Variants in KCNMA1 observed in about 807,000 individuals in gnomAD.
The protein encoded by KCNMA1 is Calcium-activated potassium channel subunit alpha-1.
KCNMA1 carries 29 observed loss-of-function variants against 140.0 expected under a neutral mutation model. The observed-to-expected ratio is 0.21, with a 90% CI of 0.15 to 0.28. The LOEUF is 0.28. Among genes scored for constraint, KCNMA1 ranks in the 10% least tolerant of loss-of-function variants. The pLI, the probability that KCNMA1 is intolerant of heterozygous loss-of-function variation, is 1.00. For missense variants in KCNMA1, 880 were observed against 1,602.2 expected, an observed-to-expected ratio of 0.55 and a Z score of 7.70; for synonymous variants, 612 against 611.9, an observed-to-expected ratio of 1.00 and a Z score of 0.00.
chr10:76,932,748 T>C (rs1410089342), intron 23 of KCNMA1, among the ~76,000 whole-genome samples: 1 of 152,188 alleles, frequency 6.6e-6, no homozygotes, highest in Non-Finnish European at 1.5e-5. Flanking sequence ...ACAGCCATGT[T>C]TGTGATTCAC....
intron 1 of KCNMA1, among the ~76,000 whole-genome samples, chr10:77,590,585 G>A (rs1490766010): frequency 1.3e-5 from 2 of 152,314 alleles, no homozygotes; most frequent in African/African-American, 4.8e-5. Context: ...ACACCTCCCC[G>A]CAAGCTGAGG....
At chr10:77,538,959 C>A (rs1196606509) in intron 1 of KCNMA1, among the ~76,000 whole-genome samples, 1 of 152,114 alleles carries the variant, frequency 6.6e-6, no homozygotes, top group Non-Finnish European at 1.5e-5. Context: ...GTACATAGGT[C>A]CCCCCTCCTG....
intron 11 of KCNMA1, among the ~76,000 whole-genome samples, chr10:77,085,022 C>G (rs760281322): frequency 4.6e-5 from 7 of 152,132 alleles, no homozygotes; most frequent in Non-Finnish European, 8.8e-5. Context: ...ATTAATTAAG[C>G]CTTTCAGTCT....
chr10:77,628,887 G>A (rs2092855571), intron 1 of KCNMA1, among the ~76,000 whole-genome samples: 1 of 152,194 alleles, frequency 6.6e-6, no homozygotes, highest in Non-Finnish European at 1.5e-5. Context: ...AAGAAAGGAT[G>A]GAGCAAGAGG....
chr10:76,995,686 A>G, intron 19 of KCNMA1: 1 of 470,792 alleles, frequency 2.1e-6, no homozygotes, highest in Non-Finnish European at 4.4e-6. Context: ...AGCTGTCAGG[A>G]TGAGTATCCT....
At chr10:77,563,906 C>T (rs2067240416) in intron 1 of KCNMA1, among the ~76,000 whole-genome samples, 1 of 152,230 alleles carries the variant, frequency 6.6e-6, no homozygotes, top group African/African-American at 2.4e-5. Flanking sequence ...TCGTCTCTTG[C>T]TCTGCAGACT....
chr10:77,508,120 TA>T (rs1329733921), intron 1 of KCNMA1, among the ~76,000 whole-genome samples: 1 of 152,188 alleles, frequency 6.6e-6, no homozygotes, highest in Non-Finnish European at 1.5e-5. Context: ...AAGAGTGACA[TA>T]AAACATTCAA....
At chr10:77,504,437 T>C (rs2154546056) in intron 1 of KCNMA1, among the ~76,000 whole-genome samples, 1 of 152,214 alleles carries the variant, frequency 6.6e-6, no homozygotes, top group South Asian at 2.1e-4. Flanking sequence ...GGTGCCAGAC[T>C]AGCCCAGATC....
At chr10:77,165,738 A>G (rs936543046) in intron 5 of KCNMA1, among the ~76,000 whole-genome samples, 5 of 152,178 alleles carry the variant, frequency 3.3e-5, no homozygotes, top group Admixed American at 3.3e-4. Context: ...TTAGCTATTC[A>G]CTTGACATTT....
At chr10:76,935,575 A>C (rs2060342709) in intron 23 of KCNMA1, among the ~76,000 whole-genome samples, 1 of 152,220 alleles carries the variant, frequency 6.6e-6, no homozygotes, top group Non-Finnish European at 1.5e-5. Context: ...GAGATTAAAT[A>C]AGATATTACA....
intron 2 of KCNMA1, among the ~76,000 whole-genome samples, chr10:77,370,662 T>C (rs1160171145): frequency 6.6e-6 from 1 of 152,218 alleles, no homozygotes; most frequent in African/African-American, 2.4e-5. Flanking sequence ...GTTTCCCCTC[T>C]TGCTCCTCTG....
intron 1 of KCNMA1, among the ~76,000 whole-genome samples, chr10:77,618,614 T>C (rs891274823): frequency 1.3e-5 from 2 of 152,140 alleles, no homozygotes; most frequent in African/African-American, 2.4e-5. Context: ...GGAAAGAGCA[T>C]GGTCTCAAAG....
intron 9 of KCNMA1, among the ~76,000 whole-genome samples, chr10:77,103,839 G>C (rs969930429): frequency 1.3e-5 from 2 of 152,194 alleles, no homozygotes; most frequent in African/African-American, 4.8e-5. Context: ...GGGCAGGAGG[G>C]GAGAGGAGAC....
chr10:77,203,407 C>T (rs1307929471), intron 3 of KCNMA1, among the ~76,000 whole-genome samples: 1 of 152,180 alleles, frequency 6.6e-6, no homozygotes, highest in Non-Finnish European at 1.5e-5. Context: ...ACACTCAACT[C>T]AGTGGCTGCC....
chr10:77,220,210 G>A (rs950555335), intron 3 of KCNMA1, among the ~76,000 whole-genome samples: 3 of 152,184 alleles, frequency 2.0e-5, no homozygotes, highest in Non-Finnish European at 4.4e-5. Context: ...CACTTAGCTG[G>A]TGAGTAATTA....
At chr10:77,625,747 C>A (rs1483349721) in intron 1 of KCNMA1, among the ~76,000 whole-genome samples, 1 of 152,224 alleles carries the variant, frequency 6.6e-6, no homozygotes, top group East Asian at 1.9e-4. Flanking sequence ...ATCTATTCAT[C>A]TGTGAATGAA....
intron 13 of KCNMA1, 71 bp downstream of exon 13, chr10:77,079,410 G>A (rs1344739804): frequency 3.1e-5 from 26 of 833,048 alleles, no homozygotes; most frequent in Non-Finnish European, 5.5e-5. Context: ...GTGTGAGCCT[G>A]TATAATGAGG....
intron 2 of KCNMA1, among the ~76,000 whole-genome samples, chr10:77,385,374 T>C (rs968007441): frequency 6.6e-6 from 1 of 152,250 alleles, no homozygotes; most frequent in African/African-American, 2.4e-5. Flanking sequence ...TTATTAACAA[T>C]GTATACAACA....
At chr10:77,307,886 A>T (rs1373608339) in intron 2 of KCNMA1, among the ~76,000 whole-genome samples, 1 of 152,126 alleles carries the variant, frequency 6.6e-6, no homozygotes, top group Non-Finnish European at 1.5e-5. Context: ...TCAACTTATG[A>T]TGGGCTATCA....
Sources: allele counts gnomAD v4.1 joint callset (sites outside exome capture counted in the v4.1 genomes callset), GRCh38; gene constraint gnomAD v4.1.1; transcripts MANE v1.5; gene names NCBI Gene and HGNC (gene_info 2026-07-23, HGNC 2026-07-21).